CNTNAP2: variants seen among roughly 807,000 people sequenced by gnomAD.
CNTNAP2 encodes the protein contactin associated protein 2, also known as contactin-associated protein-like 2.
CNTNAP2 carries 98 observed loss-of-function variants against 155.2 expected under a neutral mutation model. That is an observed-to-expected ratio of 0.63 (90% CI 0.54 to 0.75). The LOEUF (loss-of-function observed/expected upper bound fraction) is 0.75, where lower values mean the gene tolerates loss of function less well. Ranked by LOEUF, CNTNAP2 falls within the 30% of genes least tolerant of loss-of-function variation. The pLI is 0.00. For missense variants in CNTNAP2, 1,727 were observed against 1,688.1 expected (o/e 1.02, Z -0.40); for synonymous variants, 651 against 631.2 (o/e 1.03, Z -0.47).
At chr7:146,482,857 C>T (rs921587146) in intron 1 of CNTNAP2, among the ~76,000 whole-genome samples, 1 of 151,868 alleles carries the variant, frequency 6.6e-6, no homozygotes, top group Non-Finnish European at 1.5e-5. Flanking sequence ...TACTCATGGT[C>T]GAGAAATAAA....
rs959292047 is a variant in CNTNAP2 at position 146,968,009 on chromosome 7, T to C, written c.403-75898T>C. Among the ~76,000 whole-genome samples, 14 of 142,318 alleles carry C rather than the reference T, an allele frequency of 9.8e-5. No individual in the cohort carries two copies. The South Asian group carries it at 1.4e-3, about 14-fold the overall frequency. The allele number at this position is 142,318 out of a possible 152,430, so 93.4% of individuals were successfully genotyped here. Reference sequence around the variant, plus strand: ...ATCAATACCTAATTTATTGAGAGTTTTTAGCATGAAGCGGTGTTGAATTTT... The same window carrying C: ...ATCAATACCTAATTTATTGAGAGTTCTTAGCATGAAGCGGTGTTGAATTTT... On this transcript the variant is annotated intron_variant, in intron 3 of 23. Transcript: ENST00000361727.
chr7:146,664,077 T>A lies in CNTNAP2; in HGVS notation c.98-110194T>A, dbSNP rs532926164. On this transcript the variant is annotated intron_variant, in intron 1 of 23. Coordinates refer to ENST00000361727, the MANE Select transcript of CNTNAP2 (RefSeq NM_014141.6). ...TAGGGTTTTTATTATAAGTGACTAT[T>A]GAATTCTGTTAAATCATTTTTATCA... Among the ~76,000 whole-genome samples, 123 of 152,182 alleles carry A rather than the reference T, an allele frequency of 8.1e-4. 1 individual carries two copies. The highest frequency in any genetic ancestry group is 1.4e-3 in the Non-Finnish European group (92 of 68,006).
intron 11 of CNTNAP2, among the ~76,000 whole-genome samples, chr7:147,532,415 T>C (rs1311121118): frequency 1.3e-5 from 2 of 152,190 alleles, no homozygotes; most frequent in African/African-American, 4.8e-5. Flanking sequence ...ATTGTTCATG[T>C]CACTATCAGC....
intron 10 of CNTNAP2, among the ~76,000 whole-genome samples, chr7:147,448,018 C>G (rs767285974): frequency 7.9e-4 from 120 of 151,904 alleles, no homozygotes; most frequent in South Asian, 1.5e-3. Context: ...ATGCATAGCT[C>G]CTAAAATATA....
chr7:146,808,865 G>A (rs969048114), intron 2 of CNTNAP2, among the ~76,000 whole-genome samples: 3 of 152,050 alleles, frequency 2.0e-5, no homozygotes, highest in Non-Finnish European at 2.9e-5. Flanking sequence ...ACGTTGTCAC[G>A]AATGACAGAA....
intron 7 of CNTNAP2, 52 bp from the exon 8 acceptor site, chr7:147,132,193 G>A: frequency 1.2e-6 from 2 of 1,607,794 alleles, no homozygotes; most frequent in Non-Finnish European, 1.7e-6. Flanking sequence ...GTCTGACATG[G>A]ATGTTCATTT....
intron 13 of CNTNAP2, among the ~76,000 whole-genome samples, chr7:147,723,033 A>C (rs1020286778): frequency 1.3e-4 from 19 of 151,856 alleles, no homozygotes; most frequent in African/African-American, 4.6e-4. Context: ...CAGCTCTAAC[A>C]CCTCCATTTT....
At chr7:146,748,303 G>C (rs1034661638) in intron 1 of CNTNAP2, among the ~76,000 whole-genome samples, 1 of 148,764 alleles carries the variant, frequency 6.7e-6, no homozygotes, top group African/African-American at 2.4e-5. Flanking sequence ...CAGCCACCAC[G>C]CCCAGCTAAT....
chr7:148,354,683 CTT>C (rs78922300), intron 21 of CNTNAP2, among the ~76,000 whole-genome samples: 3 of 144,970 alleles, frequency 2.1e-5, no homozygotes, highest in Non-Finnish European at 3.0e-5. Context: ...AAAAGGCTTT[CTT>C]TTTTTTTTTT....
chr7:148,284,528 G>T (rs758617747), intron 21 of CNTNAP2, among the ~76,000 whole-genome samples: 2 of 150,524 alleles, frequency 1.3e-5, no homozygotes, highest in African/African-American at 4.9e-5. Flanking sequence ...ATACATGGAG[G>T]TAAGAGGAGA....
intron 15 of CNTNAP2, among the ~76,000 whole-genome samples, chr7:148,036,064 G>A (rs948414150): frequency 1.3e-5 from 2 of 152,148 alleles, no homozygotes; most frequent in African/African-American, 4.8e-5. Context: ...TTATATTTTG[G>A]AAGCACATAA....
At chr7:147,008,209 G>GGTT (rs1471407338) in intron 3 of CNTNAP2, among the ~76,000 whole-genome samples, 1 of 151,966 alleles carries the variant, frequency 6.6e-6, no homozygotes, top group African/African-American at 2.4e-5. Flanking sequence ...TGTTAATCCT[G>GGTT]GTTATAAGCG....
Position 146,576,794 on chromosome 7 carries a change from ATC to A in CNTNAP2, c.98-197474_98-197473del, listed in dbSNP as rs201479991. ...TTTGTAAAATAGTACATTCATATCTATCTCGATGGATCATGACCATTTTTCTA... is the reference window on the plus strand; with the variant it reads ...TTTGTAAAATAGTACATTCATATCTATCGATGGATCATGACCATTTTTCTA... On this transcript the variant is annotated intron_variant, in intron 1 of 23. Coordinates refer to ENST00000361727, the MANE Select transcript of CNTNAP2 (RefSeq NM_014141.6). Among the ~76,000 whole-genome samples the A allele has an allele frequency of 2.8e-4, 43 of 152,276 alleles. No individual in the cohort carries two copies. In the East Asian group the frequency reaches 7.7e-3, roughly 27 times the overall value.
intron 18 of CNTNAP2, among the ~76,000 whole-genome samples, chr7:148,179,299 A>G (rs1794995023): frequency 6.6e-6 from 1 of 152,146 alleles, no homozygotes; most frequent in African/African-American, 2.4e-5. Flanking sequence ...ATGTGAGCCC[A>G]GGAGTTCAAG....
chr7:147,661,364 G>A (rs946299753), intron 13 of CNTNAP2, among the ~76,000 whole-genome samples: 17 of 152,030 alleles, frequency 1.1e-4, no homozygotes, highest in African/African-American at 3.4e-4. Flanking sequence ...GCCCAATCCA[G>A]TGAAGCTCAG....
At chr7:147,798,866 C>T (rs1401917395) in intron 13 of CNTNAP2, among the ~76,000 whole-genome samples, 1 of 152,160 alleles carries the variant, frequency 6.6e-6, no homozygotes, top group Non-Finnish European at 1.5e-5. Context: ...TGAGAGTGTT[C>T]ACACTATTAC....
intron 9 of CNTNAP2, among the ~76,000 whole-genome samples, chr7:147,370,729 C>G (rs1212547251): frequency 6.6e-6 from 1 of 152,092 alleles, no homozygotes; most frequent in Non-Finnish European, 1.5e-5. Flanking sequence ...GACTTCCTGA[C>G]TACTGTCTTT....
intron 2 of CNTNAP2, among the ~76,000 whole-genome samples, chr7:146,826,604 T>C (rs1178132469): frequency 2.0e-5 from 3 of 152,132 alleles, no homozygotes; most frequent in South Asian, 2.1e-4. Context: ...ATTGTGATAA[T>C]GTTCACAGGA....
chr7:148,342,237 A>T (rs1178576185), intron 21 of CNTNAP2, among the ~76,000 whole-genome samples: 1 of 152,236 alleles, frequency 6.6e-6, no homozygotes, highest in African/African-American at 2.4e-5. Flanking sequence ...CTCAATAAAG[A>T]GTCAGAAATG....
Sources: gnomAD v4.1 joint callset for allele counts (sites outside exome capture counted in the v4.1 genomes callset) on GRCh38, gnomAD v4.1.1 for gene constraint, MANE v1.5 for transcripts, NCBI Gene and HGNC (gene_info 2026-07-23, HGNC 2026-07-21) for gene names.